The following ACTR3C variants were observed in gnomAD, a reference collection of about 807,000 sequenced individuals.
ACTR3C encodes the protein actin-related protein 3C.
Under a neutral mutation model 26.3 loss-of-function variants are expected in ACTR3C, and 18 were observed. That is an observed-to-expected ratio of 0.68 (90% CI 0.47 to 1.01). The LOEUF is 1.01. Ranked by LOEUF, ACTR3C falls within the 50% of genes least tolerant of loss-of-function variation. The pLI is 0.00. For missense variants in ACTR3C, 184 were observed against 250.7 expected (o/e 0.73, Z 1.80); for synonymous variants, 55 against 94.5 (o/e 0.58, Z 2.42).
At chr7:149,915,118 G>A in the ACTR3C span, among the ~76,000 whole-genome samples, 2 of 152,098 alleles carry the variant, frequency 1.3e-5, no homozygotes, top group Admixed American at 6.5e-5. Context: ...GGCCTCAGGC[G>A]ATCCACCTCG....
chr7:149,906,432 T>C, the ACTR3C span, among the ~76,000 whole-genome samples: 4,144 of 78,704 alleles, frequency 0.053, 406 homozygotes, highest in African/African-American at 0.15. Context: ...TTTTTTTTTT[T>C]TTTTTTTTTT....
the ACTR3C span, among the ~76,000 whole-genome samples, chr7:150,143,654 G>A: frequency 4.6e-5 from 7 of 152,134 alleles, no homozygotes; most frequent in South Asian, 6.2e-4. Flanking sequence ...AGGCAAAACC[G>A]TGAGTGGAAA....
the ACTR3C span, among the ~76,000 whole-genome samples, chr7:150,144,685 T>C: frequency 6.6e-6 from 1 of 152,138 alleles, no homozygotes; most frequent in Non-Finnish European, 1.5e-5. The surrounding 1 kb of genome is among the most constrained non-coding windows in gnomAD (Gnocchi z 4.6). Flanking sequence ...TGCTTTTACA[T>C]GAAAATGGAG....
the ACTR3C span, among the ~76,000 whole-genome samples, chr7:149,983,691 A>T: frequency 4.6e-5 from 7 of 151,716 alleles, no homozygotes; most frequent in South Asian, 1.5e-3. Context: ...TCATTGCAGC[A>T]TTATTCATAA....
At chr7:150,156,100 T>C in the ACTR3C span, among the ~76,000 whole-genome samples, 1 of 150,544 alleles carries the variant, frequency 6.6e-6, no homozygotes. Flanking sequence ...GCCTTCCCTG[T>C]CATGAGAATT....
chr7:150,171,956 C>T, the ACTR3C span, among the ~76,000 whole-genome samples: 1 of 150,578 alleles, frequency 6.6e-6, no homozygotes, highest in Non-Finnish European at 1.5e-5. Flanking sequence ...GGACTAAAGT[C>T]ATGCGCCACC....
the ACTR3C span, among the ~76,000 whole-genome samples, chr7:150,003,526 T>C: frequency 6.6e-6 from 1 of 151,896 alleles, no homozygotes; most frequent in South Asian, 2.1e-4. Context: ...GTATGTGATG[T>C]GGTATGTGGT....
chr7:150,197,773 C>T, the ACTR3C span, among the ~76,000 whole-genome samples: 1 of 152,108 alleles, frequency 6.6e-6, no homozygotes, highest in East Asian at 1.9e-4. Context: ...GTTAGTAAAT[C>T]ACACCATTAT....
intron 2 of ACTR3C, among the ~76,000 whole-genome samples, chr7:150,294,885 A>C (rs1251999612): frequency 6.6e-6 from 1 of 151,702 alleles, no homozygotes; most frequent in Admixed American, 6.6e-5. Context: ...ACTGGGACTC[A>C]TAAGAGCCCA....
chr7:150,021,131 A>T, the ACTR3C span, among the ~76,000 whole-genome samples: 4,250 of 150,090 alleles, frequency 0.028, 142 homozygotes, highest in African/African-American at 0.08. Flanking sequence ...TTTTTTTTTT[A>T]AAAAAAATAT....
At chr7:150,178,502 T>C in the ACTR3C span, among the ~76,000 whole-genome samples, 1 of 150,504 alleles carries the variant, frequency 6.6e-6, no homozygotes, top group East Asian at 1.9e-4. Context: ...CAGGCTGGTC[T>C]CGAACTCCTG....
intron 6 of ACTR3C, among the ~76,000 whole-genome samples, chr7:150,281,175 C>A (rs1835304054): frequency 6.6e-6 from 1 of 152,072 alleles, no homozygotes; most frequent in Admixed American, 6.5e-5. Context: ...AGGTTGGAAG[C>A]ACTGCATAGT....
At chr7:150,249,338 A>G (rs1832669686) in intron 6 of ACTR3C, among the ~76,000 whole-genome samples, 1 of 152,238 alleles carries the variant, frequency 6.6e-6, no homozygotes, top group Non-Finnish European at 1.5e-5. Context: ...TCCAGAATGA[A>G]AGGGAAATAA....
chr7:150,166,696 TAAAA>T, the ACTR3C span, among the ~76,000 whole-genome samples: 1 of 142,156 alleles, frequency 7.0e-6, no homozygotes, highest in African/African-American at 2.7e-5. Context: ...TAGATTCCAT[TAAAA>T]AAAAAAAAGT....
intron 3 of ACTR3C, among the ~76,000 whole-genome samples, chr7:150,291,671 T>G (rs1836274998): frequency 6.6e-6 from 1 of 152,074 alleles, no homozygotes; most frequent in African/African-American, 2.4e-5. Context: ...TTTTCCTAAA[T>G]CAGACATAAG....
At chr7:150,068,097 C>A in the ACTR3C span, among the ~76,000 whole-genome samples, 2 of 152,046 alleles carry the variant, frequency 1.3e-5, no homozygotes, top group African/African-American at 4.8e-5. Flanking sequence ...TAATGATTCA[C>A]AATGTATTTA....
the ACTR3C span, among the ~76,000 whole-genome samples, chr7:150,042,358 C>A: frequency 8.0e-6 from 1 of 124,248 alleles, no homozygotes; most frequent in Non-Finnish European, 1.7e-5. Flanking sequence ...CCTCCGCCCC[C>A]AGCGATGGGG....
intron 1 of ACTR3C, among the ~76,000 whole-genome samples, chr7:150,302,000 TC>T (rs1795466948): frequency 6.6e-6 from 1 of 152,102 alleles, no homozygotes; most frequent in Non-Finnish European, 1.5e-5. Flanking sequence ...CAAAAATGGT[TC>T]AAATGATAAA....
At chr7:149,949,000 G>A in the ACTR3C span, among the ~76,000 whole-genome samples, 2 of 146,996 alleles carry the variant, frequency 1.4e-5, no homozygotes, top group African/African-American at 5.4e-5. Context: ...ACTATTTCAT[G>A]TGCTGTAAAA....
Sources: gnomAD v4.1 joint callset for allele counts (sites outside exome capture counted in the v4.1 genomes callset) on GRCh38, gnomAD v4.1.1 for gene constraint, Gnocchi (gnomAD v3.1) non-coding constraint, MANE v1.5 for transcripts, NCBI Gene and HGNC (gene_info 2026-07-23, HGNC 2026-07-21) for gene names.